The following ACTL8 variants were observed in gnomAD, a reference collection of about 807,000 sequenced individuals.
ACTL8 encodes the protein actin-like protein 8.
Under a neutral mutation model 9.3 loss-of-function variants are expected in ACTL8, and 3 were observed. The ratio of observed to expected loss-of-function variants is 0.32; its 90% CI spans 0.15 to 0.83. The LOEUF (loss-of-function observed/expected upper bound fraction) is 0.83, where lower values mean the gene tolerates loss of function less well. ACTL8 is among the 40% of genes least tolerant of loss of function. The pLI is 0.57. For missense variants in ACTL8, 381 were observed against 492.2 expected (o/e 0.77, Z 2.14); for synonymous variants, 224 against 205.9 (o/e 1.09, Z -0.75).
At chr1:17,787,478 A>G (rs2066205761) in intron 1 of ACTL8, among the ~76,000 whole-genome samples, 1 of 152,174 alleles carries the variant, frequency 6.6e-6, no homozygotes, top group Non-Finnish European at 1.5e-5. Context: ...CATGTTGGCC[A>G]GGCTGGTCTC....
intron 1 of ACTL8, among the ~76,000 whole-genome samples, chr1:17,815,581 T>TA (rs1464890198): frequency 6.6e-6 from 1 of 152,318 alleles, no homozygotes; most frequent in Non-Finnish European, 1.5e-5. Context: ...TTTGAAGATT[T>TA]AAAAAAATAT....
At chr1:17,817,042 G>A (rs1243412401) in intron 1 of ACTL8, among the ~76,000 whole-genome samples, 1 of 151,878 alleles carries the variant, frequency 6.6e-6, no homozygotes, top group Admixed American at 6.6e-5. Flanking sequence ...AGGTTGTTGG[G>A]TTTTTTGTTT....
At chr1:17,771,502 G>C (rs2102678534) in intron 1 of ACTL8, among the ~76,000 whole-genome samples, 1 of 152,234 alleles carries the variant, frequency 6.6e-6, no homozygotes, top group East Asian at 1.9e-4. Context: ...AGGGCGGGTT[G>C]AAGACAGTCA....
intron 1 of ACTL8, among the ~76,000 whole-genome samples, chr1:17,790,835 A>G (rs1174427490): frequency 2.6e-5 from 4 of 152,226 alleles, no homozygotes; most frequent in Non-Finnish European, 4.4e-5. Context: ...TCCTGTGCTC[A>G]TCAGCATCCA....
chr1:17,817,022 C>T (rs900588298), intron 1 of ACTL8, among the ~76,000 whole-genome samples: 1 of 152,086 alleles, frequency 6.6e-6, no homozygotes, highest in South Asian at 2.1e-4. Context: ...TTTTTTCACT[C>T]ATTGTCCTCA....
At chr1:17,820,112 A>G (rs2053640143) in intron 1 of ACTL8, among the ~76,000 whole-genome samples, 1 of 152,216 alleles carries the variant, frequency 6.6e-6, no homozygotes, top group Admixed American at 6.5e-5. Context: ...CAAACAAGAT[A>G]CAGCATAGTT....
chr1:17,826,347 G>A lies in ACTL8; in HGVS notation c.929G>A (p.Arg310His), dbSNP rs373308699. The change falls in exon 3 of 3, where the codon CGC (arginine) becomes CAC (histidine). Residue 310 changes from arginine to histidine, a missense_variant. Transcript: ENST00000375406. This position sits in a 1 kb window ranked among gnomAD's most constrained non-coding sequence, Gnocchi z 4.5. Reference protein sequence around the residue: ...GNTLYPGFTKRLFRELMGDHV... With the variant: ...GNTLYPGFTKHLFRELMGDHV... Reference sequence around the variant, plus strand: ...ACCCTCTATCCCGGGTTCACAAAGCGCCTGTTCAGGGAGCTGATGGGGGAT... The same window carrying A: ...ACCCTCTATCCCGGGTTCACAAAGCACCTGTTCAGGGAGCTGATGGGGGAT... The A allele has an allele frequency of 1.2e-6, 2 of 1,614,038 alleles. No homozygotes were observed. Among genetic ancestry groups the A allele is most frequent in the Non-Finnish European group, 8.5e-7 (1 of 1,179,984 alleles).
chr1:17,777,784 C>T (rs920938434), intron 1 of ACTL8, among the ~76,000 whole-genome samples: 8 of 152,172 alleles, frequency 5.3e-5, no homozygotes, highest in South Asian at 4.1e-4. Flanking sequence ...CTGCAACCTC[C>T]GCCTCTGGAG....
At chr1:17,799,052 C>T (rs559412491) in intron 1 of ACTL8, among the ~76,000 whole-genome samples, 1 of 152,224 alleles carries the variant, frequency 6.6e-6, no homozygotes, top group Non-Finnish European at 1.5e-5. Context: ...GGTCCCCTCT[C>T]TGGTTTTCCA....
intron 1 of ACTL8, among the ~76,000 whole-genome samples, chr1:17,819,248 C>T (rs956104041): frequency 6.6e-5 from 10 of 152,346 alleles, no homozygotes; most frequent in Admixed American, 3.9e-4. Flanking sequence ...GCCCGCTTCC[C>T]GGAATGTCAT....
intron 1 of ACTL8, among the ~76,000 whole-genome samples, chr1:17,785,068 T>C (rs559056423): frequency 3.4e-5 from 5 of 146,436 alleles, no homozygotes; most frequent in Admixed American, 2.0e-4. Context: ...GGGAACAGCA[T>C]GGGAAAGATT....
chr1:17,797,827 ACAGGGC>A (rs1187317314), intron 1 of ACTL8, among the ~76,000 whole-genome samples: 3 of 152,184 alleles, frequency 2.0e-5, no homozygotes, highest in African/African-American at 7.2e-5. Flanking sequence ...AGCGGTTTGC[ACAGGGC>A]CTGGCCGTCA....
Position 17,813,962 on chromosome 1 carries a change from C to T in ACTL8, c.-24-9023C>T, listed in dbSNP as rs146268810. ...GTCTGTAGAGTCTGAAGTGATGCCA[C>T]CTCATTCCTGATCGCAGTCTTTTGT... On this transcript the variant is annotated intron_variant, in intron 1 of 2. Coordinates refer to ENST00000375406, the MANE Select transcript of ACTL8 (RefSeq NM_030812.3). Among the ~76,000 whole-genome samples the T allele has an allele frequency of 3.1e-3, 466 of 152,290 alleles. 3 individuals carry two copies. Among genetic ancestry groups the T allele is most frequent in the African/African-American group, 0.011 (440 of 41,586 alleles).
intron 1 of ACTL8, among the ~76,000 whole-genome samples, chr1:17,822,315 A>G (rs2053670268): frequency 6.6e-6 from 1 of 152,168 alleles, no homozygotes; most frequent in Non-Finnish European, 1.5e-5. Context: ...CATCGTGGCA[A>G]ATATTAAATG....
chr1:17,797,069 A>C (rs779056450), intron 1 of ACTL8, among the ~76,000 whole-genome samples: 18 of 151,900 alleles, frequency 1.2e-4, no homozygotes, highest in Non-Finnish European at 1.9e-4. Flanking sequence ...CCAGTAGCTG[A>C]GATCTGGGGC....
At chr1:17,822,231 T>C (rs2053668078) in intron 1 of ACTL8, among the ~76,000 whole-genome samples, 1 of 138,732 alleles carries the variant, frequency 7.2e-6, no homozygotes, top group Non-Finnish European at 1.6e-5. Context: ...GTTAGTTGTA[T>C]ACCCCTAGGA....
rs999926939 is a variant in ACTL8 at position 17,826,361 on chromosome 1, C to T, written c.943C>T (p.Leu315=). Reference sequence around the variant, plus strand: ...GTTCACAAAGCGCCTGTTCAGGGAGCTGATGGGGGATCACGTCTCCTCCAC... The same window carrying T: ...GTTCACAAAGCGCCTGTTCAGGGAGTTGATGGGGGATCACGTCTCCTCCAC... ...PGFTKRLFRE[L]MGDHVSSTKA... Residue 315 remains leucine, a synonymous_variant, in exon 3 of 3, where the codon CTG becomes TTG. Transcript: ENST00000375406. The surrounding 1 kb of genome is among the most constrained non-coding windows in gnomAD (Gnocchi z 4.5). 1.2e-6 allele frequency: 2 copies of T among 1,613,970 alleles called. No homozygotes were observed. Among genetic ancestry groups the T allele is most frequent in the Non-Finnish European group, 1.7e-6 (2 of 1,180,022 alleles).
chr1:17,805,073 T>C (rs553635232), intron 1 of ACTL8, among the ~76,000 whole-genome samples: 23 of 152,142 alleles, frequency 1.5e-4, no homozygotes, highest in Admixed American at 6.5e-4. Context: ...AGGCCCTAGA[T>C]GCCCTGCGCA....
chr1:17,801,809 G>T (rs1270542437), intron 1 of ACTL8, among the ~76,000 whole-genome samples: 1 of 152,126 alleles, frequency 6.6e-6, no homozygotes, highest in African/African-American at 2.4e-5. Flanking sequence ...TAAATTAAAT[G>T]TATTTAAAAC....
Sources: allele counts gnomAD v4.1 joint callset (sites outside exome capture counted in the v4.1 genomes callset), GRCh38; gene constraint gnomAD v4.1.1; non-coding constraint Gnocchi (gnomAD v3.1); transcripts MANE v1.5; gene names NCBI Gene and HGNC (gene_info 2026-07-23, HGNC 2026-07-21).